The following PIGS variants were observed in gnomAD, a reference collection of about 807,000 sequenced individuals.
PIGS encodes phosphatidylinositol glycan anchor biosynthesis class S, also known as GPI-anchor transamidase component PIGS.
A neutral mutation model predicts 58.2 loss-of-function variants in PIGS; 37 were observed. The observed-to-expected ratio is 0.64, with a 90% CI of 0.49 to 0.84. PIGS has a LOEUF of 0.84. Among genes scored for constraint, PIGS ranks in the 40% least tolerant of loss-of-function variants. The pLI is 0.00. For missense variants in PIGS, 629 were observed against 710.8 expected (o/e 0.88, Z 1.31); for synonymous variants, 269 against 289.2 (o/e 0.93, Z 0.71).
Position 28,555,021 on chromosome 17 carries a change from A to C in PIGS, c.1222T>G (p.Cys408Gly), listed in dbSNP as rs1419072009. 6.2e-7 allele frequency: 1 copy of C among 1,611,848 alleles called. No homozygotes were observed. Among genetic ancestry groups the C allele is most frequent in the South Asian group, 1.1e-5 (1 of 90,778 alleles). Residue 408 changes from cysteine to glycine, a missense_variant, in exon 11 of 12, where the codon TGC becomes GGC. Physicochemically the swap from Cys to Gly is radical, Grantham distance 159. Transcript: ENST00000308360. The stretch of plus-strand genomic sequence containing the variant: ...TCACTCGTAGGCCCTGAAAGCAGGC[A>C]TTTTGGAGGCAGCTGGGGCTGAGCA... ...GIAQPQLPPK[C>G]LLSGPTSEGL...
At chr17:28,555,230 A>G in intron 10 of PIGS, 169 bp from the exon 11 acceptor site, 1 of 604,270 alleles carries the variant, frequency 1.7e-6, no homozygotes, top group Non-Finnish European at 2.8e-6. Flanking sequence ...GGCAACACCA[A>G]ACAAGTTGGC....
Position 28,554,955 on chromosome 17 carries a change from G to A in PIGS, c.1288C>T (p.Arg430Trp), listed in dbSNP as rs778614064. 7.4e-6 allele frequency: 12 copies of A among 1,612,616 alleles called. No homozygotes were observed. The highest frequency in any genetic ancestry group is 3.3e-5 in the South Asian group (3 of 90,886). The change falls in exon 11 of 12, where the codon CGG becomes TGG. Residue 430 changes from arginine to tryptophan, a missense_variant. Coordinates refer to ENST00000308360, the MANE Select transcript of PIGS (RefSeq NM_033198.4). ...TWELDRLLWARSVENLATATT... is the reference protein window; with the variant it reads ...TWELDRLLWAWSVENLATATT... The stretch of plus-strand genomic sequence containing the variant: ...GCTGTGGCCAGGTTCTCCACTGACC[G>A]AGCCCAGAGCAGCCGGTCTAGCTCC...
Position 28,571,438 on chromosome 17 carries a change from GC to G in PIGS, c.34+24del, listed in dbSNP as rs558255874. ...CTCCCTTGCCATCAGCTAGCTGCAGGCCCCCCACCCGAAGCCCACCGCACCT... is the reference window on the plus strand; with the variant it reads ...CTCCCTTGCCATCAGCTAGCTGCAGGCCCCCACCCGAAGCCCACCGCACCT... On this transcript the variant is annotated intron_variant, in intron 1 of 11. Transcript: ENST00000308360. 6.8e-4 allele frequency: 1,092 copies of G among 1,608,598 alleles called. 14 individuals are homozygous for G. In the South Asian group the frequency reaches 0.011, roughly 17 times the overall value.
intron 3 of PIGS, among the ~76,000 whole-genome samples, chr17:28,567,065 C>T (rs2070398772): frequency 6.6e-6 from 1 of 152,150 alleles, no homozygotes; most frequent in South Asian, 2.1e-4. Flanking sequence ...CTTGTGACTG[C>T]TAATGAAATG....
chr17:28,570,907 G>A lies in PIGS; in HGVS notation c.231C>T (p.Asp77=), dbSNP rs763203088. 71 of 1,614,076 alleles carry A rather than the reference G, an allele frequency of 4.4e-5. No homozygotes were observed. The highest frequency in any genetic ancestry group is 5.9e-5 in the Non-Finnish European group (70 of 1,180,056). The change falls in exon 3 of 12, where the codon GAC becomes GAT. Residue 77 remains aspartate (D), a synonymous_variant. Coordinates refer to ENST00000308360, the MANE Select transcript of PIGS (RefSeq NM_033198.4). ...CGGTGAAGGGCAGCTTCTCCTGGTC[G>A]TCCAGGGGCACTGACTCCCGCGTAA... ...VVFTRESVPL[D]DQEKLPFTVV...
intron 5 of PIGS, among the ~76,000 whole-genome samples, chr17:28,562,134 C>A (rs1354365873): frequency 6.6e-6 from 1 of 152,158 alleles, no homozygotes; most frequent in African/African-American, 2.4e-5. Flanking sequence ...CCAGGCTCTG[C>A]CACATGAAGG....
In PIGS at chr17:28,571,523, G is replaced by A. The variant is rs758218610; in HGVS notation, c.-27C>T. 16 of 1,591,644 alleles carry A rather than the reference G, an allele frequency of 1.0e-5. No homozygotes were observed. The highest frequency in any genetic ancestry group is 1.4e-5 in the Non-Finnish European group (16 of 1,169,090). On this transcript the variant is annotated 5_prime_UTR_variant, in exon 1 of 12. In the 5' UTR this introduces an upstream ATG that the reference lacks. Transcript: ENST00000308360. ...CTAGCTTCCGGCTGCTCCGGCCACC[G>A]TGGGGGCAGAGCTTCGTGAGCCTCA...
rs778131481 is a variant in PIGS, at chr17:28,556,944, C to T, written c.963G>A (p.Val321=). 1 of 1,614,130 alleles carries T rather than the reference C, an allele frequency of 6.2e-7. No homozygotes were observed. The highest frequency in any genetic ancestry group is 2.2e-5 in the East Asian group (1 of 44,876). The change falls in exon 9 of 12, where the codon GTG becomes GTA. Residue 321 remains valine, a synonymous_variant. Transcript: ENST00000308360. The part of the protein sequence containing the change: ...LGSSAASLYP[V]LNFLLYVPEL... ...CAGGCACGTAGAGTAGAAAGTTGAG[C>T]ACAGGGTACAAGGAGGCAGCACTGG... is the stretch of plus-strand genomic sequence containing the variant.
intron 11 of PIGS, 53 bp downstream of exon 11, chr17:28,554,798 C>T (rs1202308857): frequency 1.3e-6 from 2 of 1,599,142 alleles, no homozygotes; most frequent in Non-Finnish European, 1.7e-6. Context: ...ACACTCTGGC[C>T]CTCTCTGGCT....
At position 28,554,292 on chromosome 17, in the gene PIGS, G is replaced by A. The variant is rs766280975; in HGVS notation, c.1596C>T (p.Pro532=). The change falls in exon 12 of 12, where the codon CCC becomes CCT. Residue 532 remains proline, a synonymous_variant. Coordinates refer to ENST00000308360, the MANE Select transcript of PIGS (RefSeq NM_033198.4). Reference sequence around the variant, plus strand: ...AGATCTTGACCAGGGACAGGAGGATGGGCACAGCCATAGGCAGGAAGAGTG... The same window carrying A: ...AGATCTTGACCAGGGACAGGAGGATAGGCACAGCCATAGGCAGGAAGAGTG... The part of the protein sequence containing the change: ...YIPLFLPMAV[P]ILLSLVKIFL... The A allele has an allele frequency of 3.1e-6, 5 of 1,614,190 alleles. No homozygotes were observed. The Admixed American group carries it at 5.0e-5, about 16-fold the overall frequency.
intron 1 of PIGS, 126 bp downstream of exon 1, chr17:28,571,337 A>C (rs1360807437): frequency 6.6e-7 from 1 of 1,516,674 alleles, no homozygotes; most frequent in East Asian, 2.4e-5. Flanking sequence ...GCCTGAAGGG[A>C]ATCTCGTCTG....
At chr17:28,559,273 C>A (rs1041445976) in intron 7 of PIGS, among the ~76,000 whole-genome samples, 1 of 151,948 alleles carries the variant, frequency 6.6e-6, no homozygotes, top group African/African-American at 2.4e-5. Context: ...CCGCACCTGG[C>A]CCTTCACATC....
chr17:28,569,700 G>A (rs2070416047), intron 3 of PIGS, among the ~76,000 whole-genome samples: 1 of 152,128 alleles, frequency 6.6e-6, no homozygotes, highest in East Asian at 1.9e-4. Context: ...TTAAAAGCTT[G>A]AACACTGGAA....
intron 6 of PIGS, 127 bp from the exon 7 acceptor site, chr17:28,560,318 A>C: frequency 8.5e-7 from 1 of 1,180,514 alleles, no homozygotes; most frequent in Non-Finnish European, 1.2e-6. Context: ...ATGGAACCAA[A>C]AGGAGGACAA....
At position 28,554,121 on chromosome 17, in the gene PIGS, T is replaced by C. The variant is rs1400451670; in HGVS notation, c.*99A>G. The C allele has an allele frequency of 1.0e-5, 15 of 1,465,504 alleles. No homozygotes were observed. Among genetic ancestry groups the C allele is most frequent in the Non-Finnish European group, 1.4e-5 (15 of 1,079,168 alleles). 90.8% of individuals were successfully genotyped at this position (1,465,504 alleles called of 1,614,324 possible). On this transcript the variant is annotated 3_prime_UTR_variant, in exon 12 of 12. Coordinates refer to ENST00000308360, the MANE Select transcript of PIGS (RefSeq NM_033198.4). Reference sequence around the variant, plus strand: ...GCCAACAGTGGAGACTGGAGACAAATATTTAAGTCATTCCGGCAGGCCCCA... The same window carrying C: ...GCCAACAGTGGAGACTGGAGACAAACATTTAAGTCATTCCGGCAGGCCCCA...
intron 10 of PIGS, 120 bp from the exon 11 acceptor site, chr17:28,555,181 G>C: frequency 9.8e-7 from 1 of 1,017,462 alleles, no homozygotes; most frequent in Non-Finnish European, 1.4e-6. Flanking sequence ...GAACCATAGG[G>C]GTTAAAGGGA....
In PIGS at chr17:28,570,952, C is replaced by G. The variant is rs758169276; in HGVS notation, c.186G>C (p.Met62Ile). 17 of 1,614,114 alleles carry G rather than the reference C, an allele frequency of 1.1e-5. No homozygotes were observed. The African/African-American group carries it at 1.7e-4, about 16-fold the overall frequency. The change falls in exon 3 of 12, where the codon ATG (methionine) becomes ATC (isoleucine). Residue 62 changes from methionine (M) to isoleucine (I), a missense_variant. Transcript: ENST00000308360. ...GCGTAAACACGACAGTGACAGGCAC[C>G]ATGAGGCGGAGCTACAGGAAGGAGC... ...SGLNALQLRL[M>I]VPVTVVFTRE...
At position 28,563,414 on chromosome 17, in the gene PIGS, C is replaced by G. The variant is rs1387565597; in HGVS notation, c.468+17G>C. ...CTGAAGGGATAAGGCAAAGTCGCAG[C>G]CTCTCTGTTACCTTACCTGGGGAAG... On this transcript the variant is annotated intron_variant, in intron 5 of 11. Transcript: ENST00000308360. 3 of 1,607,394 alleles carry G rather than the reference C, an allele frequency of 1.9e-6. No individual in the cohort carries two copies. The African/African-American group carries it at 4.0e-5, about 21-fold the overall frequency.
intron 9 of PIGS, 169 bp downstream of exon 9, chr17:28,556,658 C>T (rs1301430452): frequency 7.0e-6 from 6 of 860,512 alleles, no homozygotes; most frequent in African/African-American, 1.7e-5. Flanking sequence ...AAAGTGGGGC[C>T]GGCAGAAGAG....
Sources: gnomAD v4.1 joint callset for allele counts (sites outside exome capture counted in the v4.1 genomes callset) on GRCh38, gnomAD v4.1.1 for gene constraint, MANE v1.5 for transcripts, NCBI Gene and HGNC (gene_info 2026-07-23, HGNC 2026-07-21) for gene names.